ARHGEF37: variants seen among roughly 807,000 people sequenced by gnomAD.
ARHGEF37 encodes the protein Rho guanine nucleotide exchange factor (GEF) 37.
ARHGEF37 carries 55 observed loss-of-function variants against 71.1 expected under a neutral mutation model. The observed-to-expected ratio is 0.77, with a 90% CI of 0.62 to 0.97. The LOEUF is 0.97. Among genes scored for constraint, ARHGEF37 ranks in the 50% least tolerant of loss-of-function variants. The pLI, the probability that ARHGEF37 is intolerant of heterozygous loss-of-function variation, is 0.00. For missense variants in ARHGEF37, 765 were observed against 836.8 expected, an observed-to-expected ratio of 0.91 and a Z score of 1.06; for synonymous variants, 327 against 350.6, an observed-to-expected ratio of 0.93 and a Z score of 0.75.
At chr5:149,569,702 C>T (rs1206829681) in intron 1 of ARHGEF37, among the ~76,000 whole-genome samples, 2 of 150,346 alleles carry the variant, frequency 1.3e-5, no homozygotes, top group African/African-American at 2.5e-5. Context: ...CTGCAACCTC[C>T]GCCTCCCAGG....
At chr5:149,614,443 T>C (rs754143890) in intron 4 of ARHGEF37, among the ~76,000 whole-genome samples, 1 of 152,130 alleles carries the variant, frequency 6.6e-6, no homozygotes, top group Non-Finnish European at 1.5e-5. Context: ...AAAAGTATTG[T>C]CCAAATTACC....
chr5:149,603,291 C>A (rs1763815294), intron 3 of ARHGEF37, among the ~76,000 whole-genome samples: 1 of 152,164 alleles, frequency 6.6e-6, no homozygotes, highest in Non-Finnish European at 1.5e-5. Context: ...ACGCTAAGCA[C>A]TGTTCTTATG....
intron 6 of ARHGEF37, among the ~76,000 whole-genome samples, chr5:149,618,703 T>C (rs958396307): frequency 4.6e-5 from 7 of 152,200 alleles, no homozygotes; most frequent in African/African-American, 7.2e-5. Context: ...AAAACCCTTG[T>C]CCAGAGTCAC....
chr5:149,594,698 G>A (rs6882002), intron 1 of ARHGEF37, among the ~76,000 whole-genome samples: 36,374 of 152,030 alleles, frequency 0.24, 4,704 homozygotes, highest in East Asian at 0.37. Context: ...AAATGAGCAC[G>A]CTGAGCACAA....
chr5:149,608,667 G>A (rs947519775), intron 3 of ARHGEF37, among the ~76,000 whole-genome samples: 1 of 152,054 alleles, frequency 6.6e-6, no homozygotes, highest in Non-Finnish European at 1.5e-5. Flanking sequence ...ACCACACCCG[G>A]CAGTAAGTAC....
At chr5:149,588,307 A>G (rs928485585) in intron 1 of ARHGEF37, among the ~76,000 whole-genome samples, 3 of 151,154 alleles carry the variant, frequency 2.0e-5, no homozygotes, top group Non-Finnish European at 4.4e-5. Context: ...TAATCCAAGT[A>G]AAATATTTAA....
chr5:149,598,397 CCTTCCT>C (rs377148576), intron 2 of ARHGEF37, among the ~76,000 whole-genome samples: 1 of 97,840 alleles, frequency 1.0e-5, no homozygotes, highest in Non-Finnish European at 2.2e-5. Context: ...CTCTTCCTCT[CCTTCCT>C]CTTCCTCTTC....
chr5:149,625,638 C>A (rs1324779301), intron 10 of ARHGEF37, among the ~76,000 whole-genome samples: 1 of 152,238 alleles, frequency 6.6e-6, no homozygotes, highest in Admixed American at 6.5e-5. Context: ...TTTTGCCCAG[C>A]AGAGACCTCA....
At chr5:149,564,685 G>C (rs1426513264) in intron 1 of ARHGEF37, among the ~76,000 whole-genome samples, 1 of 152,168 alleles carries the variant, frequency 6.6e-6, no homozygotes, top group Admixed American at 6.6e-5. Context: ...TTAGCTGGGC[G>C]TGGTGGTGCA....
At chr5:149,618,138 C>T (rs776870973) in intron 5 of ARHGEF37, 38 bp from the exon 6 acceptor site, 2 of 1,611,604 alleles carry the variant, frequency 1.2e-6, no homozygotes, top group African/African-American at 1.3e-5. Flanking sequence ...CCTGAGTTGG[C>T]TTGATCACCG....
At chr5:149,593,261 T>A (rs1272834144) in intron 1 of ARHGEF37, among the ~76,000 whole-genome samples, 1 of 152,160 alleles carries the variant, frequency 6.6e-6, no homozygotes, top group Non-Finnish European at 1.5e-5. Flanking sequence ...ATCACCACAG[T>A]TTAGAACATT....
At chr5:149,631,713 C>G (rs1752889458) in intron 12 of ARHGEF37, among the ~76,000 whole-genome samples, 1 of 152,280 alleles carries the variant, frequency 6.6e-6, no homozygotes, top group African/African-American at 2.4e-5. Flanking sequence ...TTTTTCTTAT[C>G]TGAAAAATGC....
chr5:149,627,814 G>A (rs1178206168), intron 11 of ARHGEF37, among the ~76,000 whole-genome samples: 1 of 152,212 alleles, frequency 6.6e-6, no homozygotes, highest in Non-Finnish European at 1.5e-5. Flanking sequence ...TATGGCCCAG[G>A]AGAGCATCTT....
At chr5:149,575,671 ATTTT>A (rs751297275) in intron 1 of ARHGEF37, among the ~76,000 whole-genome samples, 42 of 107,292 alleles carry the variant, frequency 3.9e-4, no homozygotes, top group East Asian at 3.5e-3. Context: ...CCAAATGACT[ATTTT>A]TTTTTTTTTT....
At chr5:149,578,503 C>T (rs1222009565), upstream of ARHGEF37, among the ~76,000 whole-genome samples, 1 of 152,172 alleles carries the variant, frequency 6.6e-6, no homozygotes, top group Non-Finnish European at 1.5e-5. Flanking sequence ...TCTTCACACT[C>T]ACTTATCCAC....
intron 9 of ARHGEF37, among the ~76,000 whole-genome samples, chr5:149,622,623 C>T (rs1199533702): frequency 2.0e-5 from 3 of 152,244 alleles, no homozygotes; most frequent in Non-Finnish European, 2.9e-5. Flanking sequence ...TAGGGCCACA[C>T]GGCTAATAGC....
At chr5:149,591,478 G>GATC (rs1367728596) in intron 1 of ARHGEF37, among the ~76,000 whole-genome samples, 2 of 152,118 alleles carry the variant, frequency 1.3e-5, no homozygotes, top group Non-Finnish European at 2.9e-5. Context: ...TGAACTCCTG[G>GATC]ACTCAAGTGA....
At chr5:149,606,198 G>A (rs1763907621) in intron 3 of ARHGEF37, among the ~76,000 whole-genome samples, 1 of 152,112 alleles carries the variant, frequency 6.6e-6, no homozygotes, top group African/African-American at 2.4e-5. Flanking sequence ...TAGGTTTCAC[G>A]GCCACACCCA....
chr5:149,618,895 C>T, intron 6 of ARHGEF37, 43 bp from the exon 7 acceptor site: 2 of 1,488,860 alleles, frequency 1.3e-6, no homozygotes, highest in South Asian at 1.1e-5. Flanking sequence ...GTGTACACTG[C>T]CCCCATGTGG....
Sources: allele counts gnomAD v4.1 joint callset (sites outside exome capture counted in the v4.1 genomes callset), GRCh38; gene constraint gnomAD v4.1.1; transcripts MANE v1.5; gene names NCBI Gene and HGNC (gene_info 2026-07-23, HGNC 2026-07-21).